TMEM132D: variants seen among roughly 807,000 people sequenced by gnomAD.
TMEM132D encodes mature OL transmembrane protein.
A neutral mutation model predicts 62.3 loss-of-function variants in TMEM132D; 21 were observed. The observed-to-expected ratio is 0.34, with a 90% CI of 0.24 to 0.49. TMEM132D has a LOEUF of 0.49. Ranked by LOEUF, TMEM132D falls within the 20% of genes least tolerant of loss-of-function variation. TMEM132D has a pLI of 0.99. For missense variants in TMEM132D, 1,346 were observed against 1,402.8 expected, an observed-to-expected ratio of 0.96 and a Z score of 0.65; for synonymous variants, 621 against 575.6, an observed-to-expected ratio of 1.08 and a Z score of -1.13.
intron 1 of TMEM132D, among the ~76,000 whole-genome samples, chr12:129,879,479 T>C (rs1358598339): frequency 1.3e-5 from 2 of 152,114 alleles, no homozygotes; most frequent in African/African-American, 4.8e-5. Flanking sequence ...GAGAAACCAA[T>C]TAGCGTGAAA....
Position 129,827,590 on chromosome 12 carries a change from G to A in TMEM132D, c.79+75671C>T, listed in dbSNP as rs150226902. On this transcript the variant is annotated intron_variant, in intron 1 of 8. Coordinates refer to ENST00000422113, the MANE Select transcript of TMEM132D (RefSeq NM_133448.3). The surrounding 1 kb of genome is among the most constrained non-coding windows in gnomAD (Gnocchi z 9.7). ...GCTGGAACCCACGTTCTGAGCCTGC[G>A]GTGTTTCCTGCTGTGGCAGTTCACT... 8.4e-4 allele frequency among the ~76,000 whole-genome samples: 128 copies of A among 152,254 alleles called. No individual in the cohort carries two copies. The highest frequency in any genetic ancestry group is 2.9e-3 in the African/African-American group (119 of 41,542).
At chr12:129,581,639 T>C (rs990955237) in intron 2 of TMEM132D, among the ~76,000 whole-genome samples, 1 of 152,212 alleles carries the variant, frequency 6.6e-6, no homozygotes, top group Non-Finnish European at 1.5e-5. Flanking sequence ...ACTCAGCAAG[T>C]TGGCTTTTCC....
At chr12:129,357,690 AGAG>A (rs1870119269) in intron 3 of TMEM132D, among the ~76,000 whole-genome samples, 1 of 152,160 alleles carries the variant, frequency 6.6e-6, no homozygotes, top group Non-Finnish European at 1.5e-5. Flanking sequence ...AGAGAGAGAG[AGAG>A]AAGTGAGTGA....
chr12:129,366,047 T>C (rs1420006276), intron 3 of TMEM132D, among the ~76,000 whole-genome samples: 1 of 152,174 alleles, frequency 6.6e-6, no homozygotes, highest in African/African-American at 2.4e-5. Context: ...TTTTAATAAT[T>C]CATATAAAAA....
intron 8 of TMEM132D, among the ~76,000 whole-genome samples, chr12:129,077,386 C>T (rs1245483262): frequency 6.6e-6 from 1 of 152,226 alleles, no homozygotes; most frequent in African/African-American, 2.4e-5. Flanking sequence ...AACTAATGAC[C>T]TGCAACCACC....
At chr12:129,834,304 G>A (rs1872934599) in intron 1 of TMEM132D, among the ~76,000 whole-genome samples, 1 of 152,034 alleles carries the variant, frequency 6.6e-6, no homozygotes, top group East Asian at 1.9e-4. Flanking sequence ...AGACCCAGCT[G>A]CTGCTTAAAT....
At chr12:129,551,464 C>T (rs1216352513) in intron 2 of TMEM132D, among the ~76,000 whole-genome samples, 1 of 152,070 alleles carries the variant, frequency 6.6e-6, no homozygotes, top group Non-Finnish European at 1.5e-5. Flanking sequence ...AAATATTGTC[C>T]CTAATGTAAT....
chr12:129,201,664 A>C (rs972419372), intron 5 of TMEM132D, among the ~76,000 whole-genome samples: 3 of 152,216 alleles, frequency 2.0e-5, no homozygotes, highest in African/African-American at 7.2e-5. Context: ...GATGTGAACC[A>C]GTTCTGAGGC....
Position 129,081,771 on chromosome 12 carries a change from C to A in TMEM132D, c.1911G>T (p.Met637Ile). ...GQILMGQELG[M>I]TTIQILSPLS... ...TTTTTTTTTTTACCTGAATGGTGGT[C>A]ATCCCAAGCTCCTGCCCCATCAGGA... The change falls in exon 7 of 9, where the codon ATG becomes ATT. Residue 637 changes from methionine to isoleucine, a missense_variant. Transcript: ENST00000422113. The A allele has an allele frequency of 1.3e-6, 2 of 1,581,678 alleles. No individual in the cohort carries two copies. The highest frequency in any genetic ancestry group is 1.2e-5 in the South Asian group (1 of 86,610).
At chr12:129,187,352 T>A (rs746234164) in intron 5 of TMEM132D, among the ~76,000 whole-genome samples, 2 of 152,068 alleles carry the variant, frequency 1.3e-5, no homozygotes, top group African/African-American at 4.8e-5. Flanking sequence ...CCCTAACAAA[T>A]ACAGGGGGAG....
intron 2 of TMEM132D, among the ~76,000 whole-genome samples, chr12:129,557,299 T>C (rs1593065152): frequency 6.6e-6 from 1 of 152,358 alleles, no homozygotes; most frequent in East Asian, 1.9e-4. Flanking sequence ...TCTGTGCTTA[T>C]AGGCTCTAAA....
intron 2 of TMEM132D, among the ~76,000 whole-genome samples, chr12:129,612,807 C>T (rs897827673): frequency 6.6e-6 from 1 of 152,144 alleles, no homozygotes; most frequent in Non-Finnish European, 1.5e-5. Flanking sequence ...GCAGAGGTTG[C>T]AGTGAGCCGA....
intron 5 of TMEM132D, among the ~76,000 whole-genome samples, chr12:129,139,157 C>T (rs147289055): frequency 6.6e-6 from 1 of 152,298 alleles, no homozygotes; most frequent in Non-Finnish European, 1.5e-5. Flanking sequence ...CCTCTCAAGT[C>T]TTAAAGGAGG....
chr12:129,324,837 A>AG (rs1491169723), intron 4 of TMEM132D, among the ~76,000 whole-genome samples: 1 of 152,208 alleles, frequency 6.6e-6, no homozygotes, highest in Admixed American at 6.5e-5. Context: ...CAAGAAAAAA[A>AG]GAAAAAAAGT....
intron 2 of TMEM132D, among the ~76,000 whole-genome samples, chr12:129,552,988 C>T (rs12304404): frequency 0.056 from 8,557 of 152,230 alleles, 811 homozygotes; most frequent in African/African-American, 0.2. Flanking sequence ...AACATGGATG[C>T]CCCAAGTCCG....
intron 4 of TMEM132D, among the ~76,000 whole-genome samples, chr12:129,286,979 T>G: frequency 6.7e-6 from 1 of 148,594 alleles, no homozygotes; most frequent in Non-Finnish European, 1.5e-5. Flanking sequence ...ACTTGGGAGG[T>G]GGAGGTTGCA....
intron 2 of TMEM132D, among the ~76,000 whole-genome samples, chr12:129,553,473 C>A (rs546280310): frequency 1.3e-5 from 2 of 152,302 alleles, no homozygotes; most frequent in African/African-American, 4.8e-5. Flanking sequence ...AAACACTGTA[C>A]GTCTGTGCCT....
At chr12:129,299,422 T>A (rs1050484914) in intron 4 of TMEM132D, among the ~76,000 whole-genome samples, 6 of 135,992 alleles carry the variant, frequency 4.4e-5, no homozygotes, top group African/African-American at 2.0e-4. Context: ...TAGTTGAACT[T>A]TTTTTTTTTT....
intron 1 of TMEM132D, among the ~76,000 whole-genome samples, chr12:129,820,021 A>G (rs1872500604): frequency 6.6e-6 from 1 of 152,066 alleles, no homozygotes; most frequent in Non-Finnish European, 1.5e-5. Flanking sequence ...CCCTTCCTCC[A>G]TGAAAAGCTC....
Sources: allele counts gnomAD v4.1 joint callset (sites outside exome capture counted in the v4.1 genomes callset), GRCh38; gene constraint gnomAD v4.1.1; non-coding constraint Gnocchi (gnomAD v3.1); transcripts MANE v1.5; gene names NCBI Gene and HGNC (gene_info 2026-07-23, HGNC 2026-07-21).